IL6ST: variants seen among roughly 807,000 people sequenced by gnomAD.
The protein encoded by IL6ST is interleukin 6 cytokine family signal transducer.
In IL6ST, 24 loss-of-function variants were observed where a neutral mutation model predicts 91.3. The ratio of observed to expected loss-of-function variants is 0.26; its 90% CI spans 0.19 to 0.37. The LOEUF (loss-of-function observed/expected upper bound fraction) is 0.37. IL6ST is among the 10% of genes least tolerant of loss of function. The pLI is 1.00. For synonymous variants in IL6ST, 351 were observed against 373.6 expected, an observed-to-expected ratio of 0.94 and a Z score of 0.70; for missense variants, 914 against 1,078.5, an observed-to-expected ratio of 0.85 and a Z score of 2.14.
intron 7 of IL6ST, among the ~76,000 whole-genome samples, chr5:55,961,509 G>C (rs1454853157): frequency 1.3e-5 from 2 of 152,134 alleles, no homozygotes; most frequent in African/African-American, 4.8e-5. Context: ...TGTAATCCCA[G>C]CACTTTGGGA....
In IL6ST at chr5:55,947,190, A is replaced by C. The variant is rs141736546; in HGVS notation, c.1937+303T>G. Among the ~76,000 whole-genome samples, 69 of 152,206 alleles carry C rather than the reference A, an allele frequency of 4.5e-4. No individual in the cohort carries two copies. The East Asian group carries it at 0.011, about 25-fold the overall frequency. On this transcript the variant is annotated intron_variant, in intron 15 of 16. Transcript: ENST00000381298. ...CTCCATCCTGGGCAACAAGAGTGAA[A>C]CTCTGTCTCAAAATAGATAGATAAA...
At chr5:55,978,680 A>G (rs1234820626) in intron 2 of IL6ST, among the ~76,000 whole-genome samples, 3 of 152,210 alleles carry the variant, frequency 2.0e-5, no homozygotes, top group Non-Finnish European at 4.4e-5. Flanking sequence ...AGCCGAGGTC[A>G]CACCACTGCA....
chr5:55,961,739 C>T lies in IL6ST; in HGVS notation c.814-1178G>A, dbSNP rs150171352. The stretch of plus-strand genomic sequence containing the variant: ...TGCCATTACACTCCAGCCTGGGCAA[C>T]AAGAGCTAAACTCCATCTCAAAAAA... On this transcript the variant is annotated intron_variant, in intron 7 of 16. Coordinates refer to ENST00000381298, the MANE Select transcript of IL6ST (RefSeq NM_002184.4). Among the ~76,000 whole-genome samples, 798 of 144,370 alleles carry T rather than the reference C, an allele frequency of 5.5e-3. 7 individuals are homozygous for T. Among genetic ancestry groups the T allele is most frequent in the African/African-American group, 0.02 (767 of 38,244 alleles). 94.7% of individuals were successfully genotyped at this position (144,370 alleles called of 152,430 possible). A position where few individuals can be genotyped will look rare whatever the true frequency, so the allele number is the denominator to read the frequency against.
intron 2 of IL6ST, 57 bp from the exon 3 acceptor site, chr5:55,976,350 T>C (rs1753290918): frequency 2.3e-6 from 2 of 885,326 alleles, no homozygotes; most frequent in Admixed American, 4.9e-5. Context: ...ATACACATAA[T>C]TTAAGACACA....
intron 11 of IL6ST, among the ~76,000 whole-genome samples, chr5:55,953,421 T>C (rs1210385530): frequency 1.3e-5 from 2 of 152,116 alleles, no homozygotes; most frequent in African/African-American, 4.8e-5. Context: ...TGGAGTTTCG[T>C]TCTTGTTGTT....
chr5:55,969,644 T>A lies in IL6ST; in HGVS notation c.276A>T (p.Thr92=). 6.2e-7 allele frequency: 1 copy of A among 1,611,936 alleles called. No homozygotes were observed. ...GCTGAATATTTAATGAAGCTATATC[T>A]GTAAAGGTGACACTGGATGCTGTTC... ...INRTASSVTF[T]DIASLNIQLT... The change falls in exon 4 of 17, where the codon ACA becomes ACT. Residue 92 remains threonine, a synonymous_variant. Coordinates refer to ENST00000381298, the MANE Select transcript of IL6ST (RefSeq NM_002184.4).
rs1750665258 is a variant in IL6ST, at chr5:55,938,338, TA to T, written c.*2743del. On this transcript the variant is annotated 3_prime_UTR_variant, in exon 17 of 17. Coordinates refer to ENST00000381298, the MANE Select transcript of IL6ST (RefSeq NM_002184.4). ...GATCCATAGTAAAAAAGGACAAGAT[TA>T]AAATTTTAGGTTTTAATGGTACAAA... is the stretch of plus-strand genomic sequence containing the variant. The T allele has an allele frequency of 5.2e-6, 1 of 191,654 alleles. No homozygotes were observed. The highest frequency in any genetic ancestry group is 1.1e-5 in the Non-Finnish European group (1 of 91,674). The allele number at this position is 191,654 out of a possible 1,614,324, so 11.9% of individuals were successfully genotyped here. A position where few individuals can be genotyped will look rare whatever the true frequency, so the allele number is the denominator to read the frequency against.
At chr5:55,964,028 CATTA>C (rs1404728282) in intron 6 of IL6ST, 114 bp downstream of exon 6, 12 of 459,028 alleles carry the variant, frequency 2.6e-5, no homozygotes, top group South Asian at 8.9e-5. Flanking sequence ...CTAAAAACTA[CATTA>C]ATTAAAATCT....
chr5:55,964,739 G>A (rs1368235810), intron 5 of IL6ST, among the ~76,000 whole-genome samples: 1 of 151,960 alleles, frequency 6.6e-6, no homozygotes, highest in Non-Finnish European at 1.5e-5. Flanking sequence ...TTTAGTCTTA[G>A]GGCTAAAATC....
intron 4 of IL6ST, 33 bp downstream of exon 4, chr5:55,969,517 C>T: frequency 6.9e-7 from 1 of 1,454,026 alleles, no homozygotes; most frequent in South Asian, 1.2e-5. Context: ...ATAGTCATGA[C>T]AAAGTCTGAA....
chr5:55,965,716 C>A (rs190500221), intron 5 of IL6ST, among the ~76,000 whole-genome samples: 1 of 145,962 alleles, frequency 6.9e-6, no homozygotes, highest in South Asian at 2.3e-4. Context: ...ATGAGCCGGG[C>A]GGGGTGGTGG....
At chr5:55,956,357 T>A (rs1379417055) in intron 9 of IL6ST, 122 bp from the exon 10 acceptor site, 2 of 626,706 alleles carry the variant, frequency 3.2e-6, no homozygotes, top group South Asian at 4.2e-5. Flanking sequence ...CTGGAAAGGA[T>A]TCACAATCTC....
intron 1 of IL6ST, among the ~76,000 whole-genome samples, chr5:55,992,692 T>G (rs776832566): frequency 6.6e-6 from 1 of 152,226 alleles, no homozygotes; most frequent in East Asian, 1.9e-4. Context: ...TCGCTATTAT[T>G]AATGGGCTGT....
At chr5:55,985,373 C>G (rs1306238264) in intron 1 of IL6ST, among the ~76,000 whole-genome samples, 1 of 151,596 alleles carries the variant, frequency 6.6e-6, no homozygotes, top group South Asian at 2.1e-4. Flanking sequence ...AAAAATTAGC[C>G]GGGTGTGGTG....
chr5:55,956,425 T>G (rs1368206514), intron 9 of IL6ST, among the ~76,000 whole-genome samples, 190 bp from the exon 10 acceptor site: 7 of 152,222 alleles, frequency 4.6e-5, no homozygotes, highest in African/African-American at 1.7e-4. Context: ...AGTAAAAGCA[T>G]GACCTCAACT....
intron 7 of IL6ST, among the ~76,000 whole-genome samples, chr5:55,961,126 A>G (rs758921453): frequency 6.6e-6 from 1 of 152,240 alleles, no homozygotes; most frequent in Non-Finnish European, 1.5e-5. Context: ...AAATAAGTGT[A>G]AGTTAAAAAG....
rs777499989 is a variant in IL6ST at position 55,968,428 on chromosome 5, G to A, written c.371-32C>T. 1.1e-5 allele frequency: 18 copies of A among 1,596,798 alleles called. No individual in the cohort carries two copies. In the Admixed American group the frequency reaches 2.6e-4, roughly 23 times the overall value. ...GGGATTAATTAGCATCTTTCAGAAA[G>A]CTTTATATCCACAAATATTATGCAA... On this transcript the variant is annotated intron_variant, in intron 4 of 16. Coordinates refer to ENST00000381298, the MANE Select transcript of IL6ST (RefSeq NM_002184.4).
In IL6ST at chr5:55,957,191, A is replaced by G. The variant is rs760764295; in HGVS notation, c.1056+18T>C. ...AAAAAAGATTTATAAGAGATAAAAT[A>G]TAAATGTGATTTTTTACCTTCCACA... On this transcript the variant is annotated intron_variant, in intron 9 of 16. Transcript: ENST00000381298. 7 of 1,274,016 alleles carry G rather than the reference A, an allele frequency of 5.5e-6. No individual in the cohort carries two copies. The highest frequency in any genetic ancestry group is 1.4e-5 in the South Asian group (1 of 73,800). 78.9% of individuals were successfully genotyped at this position (1,274,016 alleles called of 1,614,324 possible).
At position 55,954,892 on chromosome 5, in the gene IL6ST, C is replaced by T. The variant is rs763696379; in HGVS notation, c.1368G>A (p.Glu456=). Residue 456 remains glutamate, a synonymous_variant, in exon 11 of 17, where the codon GAG becomes GAA. Transcript: ENST00000381298. ...GTGCTTTATCTGATAACACACACCACTCAAGTATATATTTCTTTACAGATT... is the reference window on the plus strand; with the variant it reads ...GTGCTTTATCTGATAACACACACCATTCAAGTATATATTTCTTTACAGATT... The part of the protein sequence containing the change: ...PRESVKKYIL[E]WCVLSDKAPC... 2 of 1,613,284 alleles carry T rather than the reference C, an allele frequency of 1.2e-6. No homozygotes were observed. The highest frequency in any genetic ancestry group is 1.7e-6 in the Non-Finnish European group (2 of 1,179,280).
Sources: allele counts gnomAD v4.1 joint callset (sites outside exome capture counted in the v4.1 genomes callset), GRCh38; gene constraint gnomAD v4.1.1; transcripts MANE v1.5; gene names NCBI Gene and HGNC (gene_info 2026-07-23, HGNC 2026-07-21).